The following C6orf62 variants were observed in gnomAD, a reference collection of about 807,000 sequenced individuals.
C6orf62 encodes chromosome 6 open reading frame 62, also known as uncharacterized protein C6orf62.
In C6orf62, 16 loss-of-function variants were observed where a neutral mutation model predicts 26.8. The ratio of observed to expected loss-of-function variants is 0.60; its 90% CI spans 0.40 to 0.91. The LOEUF is 0.91. Ranked by LOEUF, C6orf62 falls within the 40% of genes least tolerant of loss-of-function variation. The pLI is 0.00. For missense variants in C6orf62, 192 were observed against 271.4 expected (o/e 0.71, Z 2.06); for synonymous variants, 112 against 91.5 (o/e 1.22, Z -1.28).
At chr6:24,712,193 A>G (rs1779132786) in intron 3 of C6orf62, among the ~76,000 whole-genome samples, 1 of 152,028 alleles carries the variant, frequency 6.6e-6, no homozygotes, top group Non-Finnish European at 1.5e-5. Flanking sequence ...CACCCTGGCC[A>G]ACATAGCAAA....
chr6:24,708,261 A>AAAAG, intron 4 of C6orf62, among the ~76,000 whole-genome samples: 1 of 152,038 alleles, frequency 6.6e-6, no homozygotes, highest in Middle Eastern at 3.4e-3. Context: ...CGTTTAAAAA[A>AAAAG]AAAAAAAAGG....
intron 3 of C6orf62, chr6:24,710,561 GC>G: frequency 1.0e-6 from 1 of 983,800 alleles, no homozygotes; most frequent in African/African-American, 1.8e-5. Context: ...ACCGCGCCCG[GC>G]CCAAATTGGG....
upstream of C6orf62, chr6:24,719,780 C>T: frequency 6.5e-7 from 1 of 1,546,370 alleles, no homozygotes; most frequent in South Asian, 1.2e-5. Flanking sequence ...TCCCAAATCC[C>T]AGGCGGTGCC....
chr6:24,707,441 A>C (rs1779030919), intron 4 of C6orf62, among the ~76,000 whole-genome samples: 1 of 151,048 alleles, frequency 6.6e-6, no homozygotes, highest in African/African-American at 2.4e-5. Context: ...CTGCAACTCT[A>C]AACTCCTGGG....
chr6:24,709,944 GA>G (rs1429548294), intron 3 of C6orf62: 1 of 985,248 alleles, frequency 1.0e-6, no homozygotes, highest in Non-Finnish European at 1.2e-6. Flanking sequence ...TAATAACATT[GA>G]AAAACCAAGT....
chr6:24,718,767 TC>T lies in C6orf62; in HGVS notation c.-100del. On this transcript the variant is annotated 5_prime_UTR_variant, in exon 1 of 5. Transcript: ENST00000378119. ...TACAACAGAAACAAGTCATTTTTTT[TC>T]CTGCTAATATGATTGATTAGCGAAA... 1.3e-6 allele frequency: 2 copies of T among 1,576,118 alleles called. No homozygotes were observed. The highest frequency in any genetic ancestry group is 2.4e-5 in the South Asian group (2 of 84,108).
chr6:24,720,267 CGGTGGCGGCGGCGGAAGA>C (rs1225066755), upstream of C6orf62: 2 of 1,289,434 alleles, frequency 1.6e-6, no homozygotes, highest in Non-Finnish European at 9.8e-7. Flanking sequence ...GCGGGCGGAG[CGGTGGCGGCGGCGGAAGA>C]GGCGGCGGCG....
rs371184133 is a variant in C6orf62 at position 24,707,725 on chromosome 6, C to T, written c.564+1052G>A. The stretch of plus-strand genomic sequence containing the variant: ...ATCCTTTTAGATTTAAAAAGTCAGC[C>T]GGTTGCGGTGGCTCACGCCTGTAAT... On this transcript the variant is annotated intron_variant, in intron 4 of 4. Transcript: ENST00000378119. Among the ~76,000 whole-genome samples the T allele has an allele frequency of 3.3e-5, 5 of 151,864 alleles. No individual in the cohort carries two copies. The East Asian group carries it at 9.6e-4, about 29-fold the overall frequency.
chr6:24,705,091 T>C lies in C6orf62; in HGVS notation c.*1046A>G, dbSNP rs1034451367. On this transcript the variant is annotated 3_prime_UTR_variant, in exon 5 of 5. Transcript: ENST00000378119. Reference sequence around the variant, plus strand: ...AAAAGGAGAAAAAAAAAAAAACCTATACAGTAGTCTTTCCTTATGTTCATT... The same window carrying C: ...AAAAGGAGAAAAAAAAAAAAACCTACACAGTAGTCTTTCCTTATGTTCATT... 9 of 151,580 alleles carry C rather than the reference T, an allele frequency of 5.9e-5. No homozygotes were observed. Among genetic ancestry groups the C allele is most frequent in the African/African-American group, 1.9e-4 (8 of 41,236 alleles). The allele number at this position is 151,580 out of a possible 1,614,324, so 9.4% of individuals were successfully genotyped here.
At chr6:24,709,926 G>C (rs1562168590) in intron 3 of C6orf62, 1 of 985,430 alleles carries the variant, frequency 1.0e-6, no homozygotes, top group Middle Eastern at 5.2e-4. Flanking sequence ...GTCAAAAACA[G>C]TAGGAAATAA....
Position 24,718,759 on chromosome 6 carries a change from A to AT in C6orf62, c.-92dup, listed in dbSNP as rs1323458324. 34 of 1,577,270 alleles carry AT rather than the reference A, an allele frequency of 2.2e-5. No homozygotes were observed. Among genetic ancestry groups the AT allele is most frequent in the East Asian group, 4.5e-5 (2 of 44,574 alleles). ...GACTCAAGTACAACAGAAACAAGTC[A>AT]TTTTTTTTCCTGCTAATATGATTGA... On this transcript the variant is annotated 5_prime_UTR_variant, in exon 1 of 5. The change creates a new upstream start codon in the 5' untranslated region. Transcript: ENST00000378119.
Position 24,708,767 on chromosome 6 carries a change from A to T in C6orf62, c.564+10T>A. On this transcript the variant is annotated intron_variant, in intron 4 of 4. Coordinates refer to ENST00000378119, the MANE Select transcript of C6orf62 (RefSeq NM_030939.5). Reference sequence around the variant, plus strand: ...TGAGCCTGTAAGTGGTTTTCAAAAAAGCTGCTTACCTGCAAGTGCTGTCTG... The same window carrying T: ...TGAGCCTGTAAGTGGTTTTCAAAAATGCTGCTTACCTGCAAGTGCTGTCTG... 1 of 1,614,186 alleles carries T rather than the reference A, an allele frequency of 6.2e-7. No homozygotes were observed.
chr6:24,718,881 G>A lies in C6orf62; in HGVS notation c.-213C>T. ...GTCAAGAAACAAAAGCTGCTGTCCA[G>A]TCATGTTTGGACAATAACGTTTGGG... On this transcript the variant is annotated 5_prime_UTR_variant, in exon 1 of 5. Coordinates refer to ENST00000378119, the MANE Select transcript of C6orf62 (RefSeq NM_030939.5). 1 of 1,381,808 alleles carries A rather than the reference G, an allele frequency of 7.2e-7. No homozygotes were observed. Among genetic ancestry groups the A allele is most frequent in the Non-Finnish European group, 9.3e-7 (1 of 1,073,928 alleles). 85.6% of individuals were successfully genotyped at this position (1,381,808 alleles called of 1,614,324 possible).
upstream of C6orf62, chr6:24,719,908 G>T (rs1209043720): frequency 1.3e-6 from 2 of 1,549,440 alleles, no homozygotes; most frequent in African/African-American, 2.8e-5. Flanking sequence ...TCATTTCATC[G>T]TGGAAACAAT....
chr6:24,719,859 C>T (rs1239529022), upstream of C6orf62: 1 of 1,549,204 alleles, frequency 6.5e-7, no homozygotes, highest in Non-Finnish European at 8.7e-7. Context: ...CAGCGACTCA[C>T]TCGCACCACG....
intron 3 of C6orf62, chr6:24,709,621 T>A (rs1562168448): frequency 1.0e-6 from 1 of 985,352 alleles, no homozygotes. Flanking sequence ...TATGTTTTTA[T>A]GTGAATTTTT....
intron 3 of C6orf62, 143 bp from the exon 4 acceptor site, chr6:24,709,054 C>T: frequency 6.9e-7 from 1 of 1,452,054 alleles, no homozygotes. Context: ...TTGGCAAACC[C>T]ACAGCCAATA....
At chr6:24,720,301 G>A (rs1220268569), upstream of C6orf62, 10 of 1,309,284 alleles carry the variant, frequency 7.6e-6, no homozygotes, top group Non-Finnish European at 9.6e-6. Context: ...CGGCGGCGGG[G>A]GCGCTGCTGG....
chr6:24,715,752 G>A (rs914409480), intron 2 of C6orf62, among the ~76,000 whole-genome samples: 3 of 150,628 alleles, frequency 2.0e-5, no homozygotes, highest in African/African-American at 7.3e-5. Context: ...GGAGGCTAAG[G>A]CAGGAGAATC....
Sources: gnomAD v4.1 joint callset for allele counts (sites outside exome capture counted in the v4.1 genomes callset) on GRCh38, gnomAD v4.1.1 for gene constraint, MANE v1.5 for transcripts, NCBI Gene and HGNC (gene_info 2026-07-23, HGNC 2026-07-21) for gene names.